Variants in STK24 observed in about 807,000 individuals in gnomAD.
STK24 encodes the protein serine/threonine-protein kinase 24.
STK24 carries 21 observed loss-of-function variants against 55.6 expected under a neutral mutation model. The ratio of observed to expected loss-of-function variants is 0.38; its 90% CI spans 0.27 to 0.54. The LOEUF (loss-of-function observed/expected upper bound fraction) is 0.54, where lower values mean the gene tolerates loss of function less well. STK24 is among the 20% of genes least tolerant of loss of function. The pLI is 0.79. For synonymous variants in STK24, 200 were observed against 215.2 expected (o/e 0.93, Z 0.62); for missense variants, 383 against 538.4 (o/e 0.71, Z 2.86).
At chr13:98,496,120 C>G (rs573527541) in intron 2 of STK24, among the ~76,000 whole-genome samples, 112 of 152,340 alleles carry the variant, frequency 7.4e-4, no homozygotes, top group African/African-American at 2.4e-3. Flanking sequence ...TCTCCAGCTT[C>G]CCTGTGGGGA....
Position 98,445,434 on chromosome 13 carries a change from C to T in STK24, c.*7739G>A, listed in dbSNP as rs78531197. ...TCCCTGCCCCCTAGCTGGGCTGCAGCGCATCCTAACAATGCTCCAGGGGCT... is the reference window on the plus strand; with the variant it reads ...TCCCTGCCCCCTAGCTGGGCTGCAGTGCATCCTAACAATGCTCCAGGGGCT... On this transcript the variant is annotated 3_prime_UTR_variant, in exon 11 of 11. Transcript: ENST00000539966. 0.15 allele frequency: 23,119 copies of T among 152,234 alleles called. 1,973 individuals are homozygous for T. Among genetic ancestry groups the T allele is most frequent in the African/African-American group, 0.2 (8,488 of 41,544 alleles). 9.4% of individuals were successfully genotyped at this position (152,234 alleles called of 1,614,324 possible).
intron 1 of STK24, among the ~76,000 whole-genome samples, chr13:98,530,327 C>T (rs1594644566): frequency 6.6e-6 from 1 of 152,236 alleles, no homozygotes; most frequent in Non-Finnish European, 1.5e-5. Flanking sequence ...CATAAAGGAA[C>T]TAGATTGCCA....
chr13:98,570,168 C>G (rs141994868), intron 1 of STK24, among the ~76,000 whole-genome samples: 2 of 152,220 alleles, frequency 1.3e-5, no homozygotes, highest in East Asian at 1.9e-4. Context: ...CGTGAGCCAC[C>G]GCCCCCGGTC....
chr13:98,467,329 A>G (rs1264971485), intron 5 of STK24, among the ~76,000 whole-genome samples: 1 of 152,192 alleles, frequency 6.6e-6, no homozygotes, highest in African/African-American at 2.4e-5. Flanking sequence ...GTGCCAATAT[A>G]CAGACTTTTT....
chr13:98,449,146 GATCAGCACC>G lies in STK24; in HGVS notation c.*4018_*4026del, dbSNP rs1893057631. ...CAAGCATGAAAACCCGTGTGTCATT[GATCAGCACC>G]ATTTGTGGTATGTTCCGTGATGAGC... On this transcript the variant is annotated 3_prime_UTR_variant, in exon 11 of 11. Coordinates refer to ENST00000539966, the MANE Select transcript of STK24 (RefSeq NM_001032296.4). 6.6e-6 allele frequency: 1 copy of G among 152,224 alleles called. No individual in the cohort carries two copies. Among genetic ancestry groups the G allele is most frequent in the Non-Finnish European group, 1.5e-5 (1 of 68,058 alleles). 9.4% of individuals were successfully genotyped at this position (152,224 alleles called of 1,614,324 possible). A position where few individuals can be genotyped will look rare whatever the true frequency, so the allele number is the denominator to read the frequency against.
At chr13:98,521,039 A>G (rs1896242846) in intron 1 of STK24, among the ~76,000 whole-genome samples, 1 of 152,240 alleles carries the variant, frequency 6.6e-6, no homozygotes. Context: ...AGAGCAGGAC[A>G]GGCCAGAGGC....
intron 1 of STK24, among the ~76,000 whole-genome samples, chr13:98,524,034 C>A (rs1474857606): frequency 6.6e-6 from 1 of 152,132 alleles, no homozygotes; most frequent in African/African-American, 2.4e-5. Context: ...CAAGAGCTGG[C>A]AGCCCGTCCA....
intron 1 of STK24, among the ~76,000 whole-genome samples, chr13:98,567,933 A>T (rs1165909128): frequency 3.2e-5 from 4 of 124,432 alleles, no homozygotes; most frequent in African/African-American, 8.2e-5. Flanking sequence ...GTAGTGGTTT[A>T]AAAAAAAAAA....
chr13:98,472,375 G>A (rs980897713), intron 5 of STK24, among the ~76,000 whole-genome samples: 1 of 152,248 alleles, frequency 6.6e-6, no homozygotes, highest in Non-Finnish European at 1.5e-5. Flanking sequence ...TGCCCTTCAA[G>A]GAAGGTGGGT....
chr13:98,522,325 G>A (rs776401233), intron 1 of STK24, among the ~76,000 whole-genome samples: 2 of 152,132 alleles, frequency 1.3e-5, no homozygotes, highest in African/African-American at 2.4e-5. Context: ...GTAGTTTCAG[G>A]GTCTGGGGCC....
chr13:98,538,517 G>A (rs758777700), intron 1 of STK24, among the ~76,000 whole-genome samples: 78 of 152,030 alleles, frequency 5.1e-4, no homozygotes, highest in South Asian at 4.2e-4. Context: ...GAGCCACCGC[G>A]GCTTGGTGCC....
intron 7 of STK24, among the ~76,000 whole-genome samples, chr13:98,462,872 C>T (rs530178970): frequency 2.6e-5 from 4 of 152,288 alleles, no homozygotes; most frequent in African/African-American, 7.2e-5. Context: ...CCAAATCCAC[C>T]GCCGCGTCCT....
intron 1 of STK24, among the ~76,000 whole-genome samples, chr13:98,566,083 A>G (rs1897562377): frequency 6.6e-6 from 1 of 152,106 alleles, no homozygotes; most frequent in South Asian, 2.1e-4. Flanking sequence ...CAGGACCACA[A>G]GGACCCACAC....
intron 1 of STK24, among the ~76,000 whole-genome samples, chr13:98,540,763 CA>C (rs35957882): frequency 0.058 from 3,423 of 58,890 alleles, 45 homozygotes; most frequent in South Asian, 0.12. Flanking sequence ...ATATTAAAAG[CA>C]AAAAAAAAAA....
intron 1 of STK24, among the ~76,000 whole-genome samples, chr13:98,566,205 A>C (rs1450021624): frequency 6.6e-6 from 1 of 152,266 alleles, no homozygotes; most frequent in Non-Finnish European, 1.5e-5. Flanking sequence ...CCTCAAAAAA[A>C]ATGAATAACA....
rs556438658 is a variant in STK24, at chr13:98,543,844, G to A, written c.43-24371C>T. Among the ~76,000 whole-genome samples the A allele has an allele frequency of 5.3e-5, 8 of 152,280 alleles. No homozygotes were observed. In the East Asian group the frequency reaches 5.8e-4, roughly 11 times the overall value. On this transcript the variant is annotated intron_variant, in intron 1 of 10. Transcript: ENST00000539966. ...AGCTGCCATCCACGACTCAGTATCCGGCAGACTCGGTCACCCACACGCATA... is the reference window on the plus strand; with the variant it reads ...AGCTGCCATCCACGACTCAGTATCCAGCAGACTCGGTCACCCACACGCATA...
In STK24 at chr13:98,474,997, GC is replaced by G. The variant is rs1157618137; in HGVS notation, c.440-20del. 3 of 1,596,214 alleles carry G rather than the reference GC, an allele frequency of 1.9e-6. No individual in the cohort carries two copies. The highest frequency in any genetic ancestry group is 3.4e-4 in the Middle Eastern group (2 of 5,948). ...TTGGCCGCTGCAAAAGAAAGCCAAG[GC>G]GGCCCTGGGCGGTGCGGACTTACAA... is the stretch of plus-strand genomic sequence containing the variant. On this transcript the variant is annotated intron_variant, in intron 4 of 10. Transcript: ENST00000539966.
chr13:98,456,930 A>C, intron 10 of STK24: 1 of 579,750 alleles, frequency 1.7e-6, no homozygotes, highest in Non-Finnish European at 3.0e-6. Context: ...TATGTGGCAA[A>C]AGCTACAAAT....
chr13:98,521,136 A>G (rs1261778191), intron 1 of STK24, among the ~76,000 whole-genome samples: 1 of 152,190 alleles, frequency 6.6e-6, no homozygotes, highest in Admixed American at 6.5e-5. Flanking sequence ...CAAGGACTAC[A>G]GTTTTAGCCA....
Sources: allele counts gnomAD v4.1 joint callset (sites outside exome capture counted in the v4.1 genomes callset), GRCh38; gene constraint gnomAD v4.1.1; transcripts MANE v1.5; gene names NCBI Gene and HGNC (gene_info 2026-07-23, HGNC 2026-07-21).